STAM: variants seen among roughly 807,000 people sequenced by gnomAD.
The protein encoded by STAM is signal transducing adaptor molecule, also known as signal transducing adapter molecule 1.
A neutral mutation model predicts 63.4 loss-of-function variants in STAM; 16 were observed. The ratio of observed to expected loss-of-function variants is 0.25; its 90% confidence interval spans 0.17 to 0.38. The LOEUF is 0.38. STAM is among the 10% of genes least tolerant of loss of function. STAM has a pLI of 1.00. For synonymous variants in STAM, 238 were observed against 223.9 expected (o/e 1.06, Z -0.56); for missense variants, 636 against 657.1 (o/e 0.97, Z 0.35).
chr10:17,667,725 T>G (rs1421440947), intron 2 of STAM, among the ~76,000 whole-genome samples: 1 of 152,158 alleles, frequency 6.6e-6, no homozygotes, highest in Non-Finnish European at 1.5e-5. Flanking sequence ...AATAAAAAGG[T>G]AGACTGGTAT....
intron 12 of STAM, among the ~76,000 whole-genome samples, chr10:17,706,001 G>A (rs150455637): frequency 1.3e-5 from 2 of 151,974 alleles, no homozygotes; most frequent in South Asian, 2.1e-4. Flanking sequence ...CCAGAAGGTC[G>A]AGGCTGCAGT....
chr10:17,700,158 A>G, intron 8 of STAM, 33 bp from the exon 9 acceptor site: 1 of 1,522,080 alleles, frequency 6.6e-7, no homozygotes. Flanking sequence ...TAAATGTATT[A>G]TTAAAAAAAG....
intron 2 of STAM, among the ~76,000 whole-genome samples, chr10:17,678,553 C>T (rs1834950337): frequency 6.6e-6 from 1 of 152,302 alleles, no homozygotes; most frequent in Non-Finnish European, 1.5e-5. Context: ...CACGCCCAAC[C>T]TCATGTAGTG....
Position 17,708,760 on chromosome 10 carries a change from T to C in STAM, c.1210-16T>C, listed in dbSNP as rs1836413034. On this transcript the variant is annotated splice_polypyrimidine_tract_variant and intron_variant, in intron 12 of 13. Coordinates refer to ENST00000377524, the MANE Select transcript of STAM (RefSeq NM_003473.4). ...AAATTTTAGAATTGAATATGATTTC[T>C]CTTTAACCATCGCAGGTGTATGCAG... The C allele has an allele frequency of 2.5e-6, 4 of 1,588,892 alleles. No homozygotes were observed. The highest frequency in any genetic ancestry group is 2.7e-5 in the African/African-American group (2 of 74,572).
At chr10:17,646,744 C>A (rs543667398) in intron 1 of STAM, among the ~76,000 whole-genome samples, 2 of 152,232 alleles carry the variant, frequency 1.3e-5, no homozygotes, top group East Asian at 3.9e-4. Context: ...AGTACATAAG[C>A]CTTGCACAGA....
intron 1 of STAM, among the ~76,000 whole-genome samples, chr10:17,654,612 C>T (rs1833868435): frequency 6.6e-6 from 1 of 152,094 alleles, no homozygotes; most frequent in East Asian, 1.9e-4. Flanking sequence ...TTTTTTTGAG[C>T]ACTTAGACTG....
At chr10:17,711,271 C>T (rs73603894) in intron 13 of STAM, among the ~76,000 whole-genome samples, 2,124 of 152,178 alleles carry the variant, frequency 0.014, 53 homozygotes, top group African/African-American at 0.048. Flanking sequence ...TCACTGATGA[C>T]GGTTTTCTAA....
At chr10:17,693,172 A>G (rs782657899) in intron 5 of STAM, 50 bp from the exon 6 acceptor site, 13 of 1,521,818 alleles carry the variant, frequency 8.5e-6, no homozygotes, top group Middle Eastern at 3.4e-4. Flanking sequence ...GGGTGAGAGG[A>G]GGAGAATTTG....
At chr10:17,713,778 G>C (rs1188015650) in intron 13 of STAM, among the ~76,000 whole-genome samples, 1 of 152,068 alleles carries the variant, frequency 6.6e-6, no homozygotes, top group Non-Finnish European at 1.5e-5. Context: ...TCCTGGTCCA[G>C]AGGGAGCCCG....
chr10:17,660,680 G>A, intron 2 of STAM, 132 bp downstream of exon 2: 1 of 572,876 alleles, frequency 1.7e-6, no homozygotes. Context: ...GAGCCCAGGA[G>A]TTAGAGGCTG....
In STAM at chr10:17,687,879, T is replaced by C. The variant is rs1004046447; in HGVS notation, c.298-148T>C. The C allele has an allele frequency of 6.4e-5, 35 of 543,770 alleles. No individual in the cohort carries two copies. In the South Asian group the frequency reaches 1.8e-3, roughly 28 times the overall value. The allele number at this position is 543,770 out of a possible 1,614,324, so 33.7% of individuals were successfully genotyped here. The stretch of plus-strand genomic sequence containing the variant: ...TTTTTCATAGTGTGAACATTAGTTT[T>C]ATTTCGAATAACTATATTTTCTTGT... On this transcript the variant is annotated intron_variant, in intron 4 of 13. Coordinates refer to ENST00000377524, the MANE Select transcript of STAM (RefSeq NM_003473.4).
At chr10:17,700,524 T>C (rs1262792310) in intron 9 of STAM, among the ~76,000 whole-genome samples, 3 of 152,168 alleles carry the variant, frequency 2.0e-5, no homozygotes, top group Admixed American at 6.5e-5. Flanking sequence ...GGCCTTACCA[T>C]GATTTATTTA....
rs141797154 is a variant in STAM, at chr10:17,715,635, C to A, written c.*855C>A. 14 of 152,614 alleles carry A rather than the reference C, an allele frequency of 9.2e-5. No homozygotes were observed. The highest frequency in any genetic ancestry group is 2.6e-4 in the African/African-American group (11 of 41,518). The allele number at this position is 152,614 out of a possible 1,614,324, so 9.5% of individuals were successfully genotyped here. ...ATTTTAAAGAAATGATGTTGGTTTA[C>A]CTTTTCCTAGTTGAAGATAGTAATT... On this transcript the variant is annotated 3_prime_UTR_variant, in exon 14 of 14. Coordinates refer to ENST00000377524, the MANE Select transcript of STAM (RefSeq NM_003473.4).
At chr10:17,690,131 C>G (rs1290310189) in intron 5 of STAM, among the ~76,000 whole-genome samples, 2 of 152,186 alleles carry the variant, frequency 1.3e-5, no homozygotes, top group African/African-American at 4.8e-5. Flanking sequence ...GTGACTTGCC[C>G]AGGGACACAG....
intron 2 of STAM, among the ~76,000 whole-genome samples, chr10:17,671,356 C>T (rs1554824067): frequency 1.3e-5 from 2 of 152,170 alleles, no homozygotes; most frequent in Non-Finnish European, 2.9e-5. Context: ...TTTGTGCTTT[C>T]AAGAACTAAC....
chr10:17,674,892 C>G (rs1554824484), intron 2 of STAM, among the ~76,000 whole-genome samples: 1 of 152,052 alleles, frequency 6.6e-6, no homozygotes, highest in Non-Finnish European at 1.5e-5. Flanking sequence ...TTCTAATAAA[C>G]AAAATTATAA....
chr10:17,652,014 T>C (rs551025652), intron 1 of STAM, among the ~76,000 whole-genome samples: 15 of 152,240 alleles, frequency 9.9e-5, no homozygotes, highest in Admixed American at 3.3e-4. Flanking sequence ...TGTATGTTTT[T>C]TCTGGGTACT....
chr10:17,679,327 C>T (rs1834985698), intron 2 of STAM, among the ~76,000 whole-genome samples: 1 of 152,140 alleles, frequency 6.6e-6, no homozygotes, highest in African/African-American at 2.4e-5. Context: ...CGATGTTGAG[C>T]ATTTGTTATG....
intron 2 of STAM, among the ~76,000 whole-genome samples, chr10:17,670,516 C>G (rs1554823952): frequency 6.6e-6 from 1 of 152,124 alleles, no homozygotes; most frequent in South Asian, 2.1e-4. Context: ...ACCAATCTTA[C>G]ATTAAAGTTT....
Sources: allele counts gnomAD v4.1 joint callset (sites outside exome capture counted in the v4.1 genomes callset), GRCh38; gene constraint gnomAD v4.1.1; transcripts MANE v1.5; gene names NCBI Gene and HGNC (gene_info 2026-07-23, HGNC 2026-07-21).